The following NAALADL2 variants were observed in gnomAD, a reference collection of about 807,000 sequenced individuals.
The protein encoded by NAALADL2 is inactive N-acetylated-alpha-linked acidic dipeptidase-like protein 2.
NAALADL2 carries 76 observed loss-of-function variants against 87.2 expected under a neutral mutation model. That is an observed-to-expected ratio of 0.87 (90% CI 0.72 to 1.05). The LOEUF (loss-of-function observed/expected upper bound fraction) is 1.05. Among genes scored for constraint, NAALADL2 ranks in the 50% least tolerant of loss-of-function variants. The pLI is 0.00. For missense variants in NAALADL2, 1,089 were observed against 945.8 expected (o/e 1.15, Z -1.99); for synonymous variants, 354 against 331.0 (o/e 1.07, Z -0.75).
intron 1 of NAALADL2, among the ~76,000 whole-genome samples, chr3:174,965,393 A>G (rs1442633291): frequency 2.0e-5 from 3 of 152,170 alleles, no homozygotes; most frequent in South Asian, 2.1e-4. Flanking sequence ...ATTCGTTAAC[A>G]TTATGTCACT....
chr3:175,313,068 G>T (rs1402009261), intron 4 of NAALADL2, among the ~76,000 whole-genome samples: 1 of 152,160 alleles, frequency 6.6e-6, no homozygotes, highest in Non-Finnish European at 1.5e-5. Flanking sequence ...TTCTCCTAAG[G>T]CCTTTCTCCT....
chr3:174,950,126 C>T (rs959911485), intron 1 of NAALADL2, among the ~76,000 whole-genome samples: 35 of 151,968 alleles, frequency 2.3e-4, no homozygotes, highest in African/African-American at 8.0e-4. Flanking sequence ...ACAGAGAATA[C>T]CAAAGTTTAA....
At chr3:175,777,370 AAAT>A (rs1459069485) in intron 13 of NAALADL2, among the ~76,000 whole-genome samples, 7 of 152,084 alleles carry the variant, frequency 4.6e-5, no homozygotes, top group Non-Finnish European at 1.0e-4. Context: ...TATAAAATGG[AAAT>A]AATAATAGTA....
intron 2 of NAALADL2, among the ~76,000 whole-genome samples, chr3:175,113,209 G>A (rs1580515318): frequency 1.3e-5 from 2 of 151,640 alleles, no homozygotes; most frequent in Admixed American, 6.6e-5. Flanking sequence ...TGATAGATTA[G>A]AGAATAAAAA....
chr3:174,501,374 G>A (rs4894676), intron 1 of NAALADL2, among the ~76,000 whole-genome samples: 82,438 of 146,640 alleles, frequency 0.56, 23,548 homozygotes, highest in South Asian at 0.64. Flanking sequence ...CACCGCGCCC[G>A]GCCTTTTTTT....
At chr3:174,924,588 G>A (rs1284008941) in intron 1 of NAALADL2, among the ~76,000 whole-genome samples, 1 of 152,110 alleles carries the variant, frequency 6.6e-6, no homozygotes, top group Non-Finnish European at 1.5e-5. Context: ...GTTGTGGGAT[G>A]ACTGGGTCAA....
chr3:175,635,167 G>T (rs1377623628), intron 11 of NAALADL2, among the ~76,000 whole-genome samples: 1 of 151,928 alleles, frequency 6.6e-6, no homozygotes, highest in Non-Finnish European at 1.5e-5. Context: ...TATTCTTTTT[G>T]ATTATACTGA....
At chr3:174,850,608 C>A (rs9871227) in intron 3 of NAALADL2, among the ~76,000 whole-genome samples, 1 of 151,812 alleles carries the variant, frequency 6.6e-6, no homozygotes, top group South Asian at 2.1e-4. Context: ...GCTAGAGTAC[C>A]CAGATATGTA....
At chr3:174,443,131 T>C (rs1476006319) in intron 1 of NAALADL2, among the ~76,000 whole-genome samples, 1 of 152,192 alleles carries the variant, frequency 6.6e-6, no homozygotes, top group Admixed American at 6.5e-5. Context: ...TGGAGCCTTT[T>C]GACAAGAGGA....
intron 9 of NAALADL2, among the ~76,000 whole-genome samples, chr3:175,493,516 G>A (rs1033327049): frequency 6.6e-6 from 1 of 152,046 alleles, no homozygotes; most frequent in African/African-American, 2.4e-5. Flanking sequence ...CAGCTCACCG[G>A]AAAGCAACAT....
intron 2 of NAALADL2, among the ~76,000 whole-genome samples, chr3:175,200,407 A>C (rs1240576135): frequency 6.6e-6 from 1 of 152,158 alleles, no homozygotes; most frequent in Non-Finnish European, 1.5e-5. Context: ...TCAAGCAAAA[A>C]AGTGTTTAAA....
intron 9 of NAALADL2, chr3:175,487,477 C>G (rs1388501057): frequency 4.4e-6 from 2 of 454,674 alleles, no homozygotes; most frequent in Admixed American, 4.8e-5. Context: ...ATTTGCCCAT[C>G]CAAAGCACTA....
At chr3:175,737,714 G>A (rs79027039) in intron 12 of NAALADL2, among the ~76,000 whole-genome samples, 1 of 54,738 alleles carries the variant, frequency 1.8e-5, no homozygotes, top group Admixed American at 2.7e-4. Flanking sequence ...CAATGATCCA[G>A]TTTTTTTTTT....
chr3:175,624,174 G>T lies in NAALADL2; in HGVS notation c.1801-3117G>T, dbSNP rs114411756. 6.8e-3 allele frequency among the ~76,000 whole-genome samples: 1,031 copies of T among 152,128 alleles called. 10 individuals carry two copies. The highest frequency in any genetic ancestry group is 0.024 in the African/African-American group (990 of 41,538). ...ATATGCAGAGTTAATAATAAACTCT[G>T]TATAGTTACTGCTATGAGATCTTAG... On this transcript the variant is annotated intron_variant, in intron 10 of 13. Coordinates refer to ENST00000454872, the MANE Select transcript of NAALADL2 (RefSeq NM_207015.3).
intron 4 of NAALADL2, among the ~76,000 whole-genome samples, chr3:175,274,381 C>CA (rs1365374775): frequency 6.6e-6 from 1 of 152,162 alleles, no homozygotes; most frequent in Non-Finnish European, 1.5e-5. Context: ...CACATTACAA[C>CA]AAAAAACTAC....
chr3:175,772,814 G>T (rs1749686211), intron 13 of NAALADL2, among the ~76,000 whole-genome samples: 1 of 152,096 alleles, frequency 6.6e-6, no homozygotes, highest in African/African-American at 2.4e-5. Context: ...TCCCGCTGTT[G>T]TAACCTAACT....
At chr3:174,766,070 A>G (rs1713768502) in intron 3 of NAALADL2, among the ~76,000 whole-genome samples, 1 of 152,194 alleles carries the variant, frequency 6.6e-6, no homozygotes, top group Admixed American at 6.5e-5. Flanking sequence ...TTTCTAGATG[A>G]TTAATGTGTT....
chr3:175,687,831 C>T (rs1171379983), intron 11 of NAALADL2, among the ~76,000 whole-genome samples: 1 of 151,860 alleles, frequency 6.6e-6, no homozygotes, highest in Non-Finnish European at 1.5e-5. Context: ...AGCACCTCCC[C>T]CACCTTTCTC....
At chr3:175,022,331 G>C (rs1264852699) in intron 1 of NAALADL2, among the ~76,000 whole-genome samples, 1 of 151,888 alleles carries the variant, frequency 6.6e-6, no homozygotes, top group Non-Finnish European at 1.5e-5. Context: ...TGCTGGGTCC[G>C]GGGCTCTGTG....
Sources: allele counts gnomAD v4.1 joint callset (sites outside exome capture counted in the v4.1 genomes callset), GRCh38; gene constraint gnomAD v4.1.1; transcripts MANE v1.5; gene names NCBI Gene and HGNC (gene_info 2026-07-23, HGNC 2026-07-21).